Variants in CDH13 observed in about 807,000 individuals in gnomAD.
The protein encoded by CDH13 is cadherin 13.
CDH13 carries 24 observed loss-of-function variants against 63.8 expected under a neutral mutation model. That is an observed-to-expected ratio of 0.38 (90% CI 0.27 to 0.53). The LOEUF (loss-of-function observed/expected upper bound fraction) is 0.53. Ranked by LOEUF, CDH13 falls within the 20% of genes least tolerant of loss-of-function variation. CDH13 has a pLI of 0.85. For missense variants in CDH13, 1,049 were observed against 903.1 expected, an observed-to-expected ratio of 1.16 and a Z score of -2.07; for synonymous variants, 503 against 355.3, an observed-to-expected ratio of 1.42 and a Z score of -4.67.
At chr16:83,064,294 G>A (rs1023656647) in intron 3 of CDH13, among the ~76,000 whole-genome samples, 9 of 152,100 alleles carry the variant, frequency 5.9e-5, no homozygotes, top group East Asian at 1.9e-4. Context: ...GCTTGAACCC[G>A]GGAGGTGGAG....
At chr16:83,644,426 A>T (rs1214437344) in intron 8 of CDH13, among the ~76,000 whole-genome samples, 1 of 152,230 alleles carries the variant, frequency 6.6e-6, no homozygotes, top group Non-Finnish European at 1.5e-5. Context: ...CAGCAATAAA[A>T]ATGCTTGAAT....
At chr16:83,392,021 TA>T (rs1230377333) in intron 6 of CDH13, among the ~76,000 whole-genome samples, 7 of 152,178 alleles carry the variant, frequency 4.6e-5, no homozygotes, top group African/African-American at 1.4e-4. Flanking sequence ...GCGGGGTGTC[TA>T]ACACCTAATT....
intron 1 of CDH13, among the ~76,000 whole-genome samples, chr16:82,689,217 A>G (rs1915391850): frequency 6.6e-6 from 1 of 150,788 alleles, no homozygotes; most frequent in South Asian, 2.1e-4. Flanking sequence ...TGCAGTTGAC[A>G]TTACTTGGTA....
chr16:82,736,586 T>C (rs2033685183), intron 1 of CDH13, among the ~76,000 whole-genome samples: 1 of 152,216 alleles, frequency 6.6e-6, no homozygotes, highest in Non-Finnish European at 1.5e-5. Flanking sequence ...CACTAAATAC[T>C]TGTTAAGGTT....
intron 3 of CDH13, among the ~76,000 whole-genome samples, chr16:83,088,028 G>C (rs532458400): frequency 2.0e-5 from 3 of 152,172 alleles, no homozygotes; most frequent in African/African-American, 4.8e-5. Context: ...ACAAGTATTA[G>C]GTTGGCGCAA....
At chr16:83,332,393 A>G (rs1210755058) in intron 5 of CDH13, among the ~76,000 whole-genome samples, 4 of 152,078 alleles carry the variant, frequency 2.6e-5, no homozygotes, top group Non-Finnish European at 5.9e-5. Flanking sequence ...TATCAACCCT[A>G]ATTTTTTTAA....
At chr16:83,442,330 T>C (rs1309141179) in intron 6 of CDH13, among the ~76,000 whole-genome samples, 1 of 152,184 alleles carries the variant, frequency 6.6e-6, no homozygotes. Flanking sequence ...ATGAGATTTA[T>C]CCAAGGACCT....
At position 83,500,742 on chromosome 16, in the gene CDH13, T is replaced by G. The variant is rs182213451; in HGVS notation, c.960+14087T>G. On this transcript the variant is annotated intron_variant, in intron 7 of 13. Transcript: ENST00000567109. ...AAAGGCACCCACCATCTTGCCCGGC[T>G]AATTTTTGTTTTATTTTTGTGGAGA... Among the ~76,000 whole-genome samples, 460 of 150,286 alleles carry G rather than the reference T, an allele frequency of 3.1e-3. 4 individuals are homozygous for G. Among genetic ancestry groups the G allele is most frequent in the African/African-American group, 9.6e-3 (389 of 40,730 alleles).
At chr16:82,695,469 C>G (rs894541084) in intron 1 of CDH13, among the ~76,000 whole-genome samples, 1 of 152,130 alleles carries the variant, frequency 6.6e-6, no homozygotes, top group Non-Finnish European at 1.5e-5. Context: ...GCAGGGTTAG[C>G]ACGTGGCTCC....
At chr16:83,099,053 C>T (rs2034344446) in intron 3 of CDH13, among the ~76,000 whole-genome samples, 1 of 151,944 alleles carries the variant, frequency 6.6e-6, no homozygotes, top group South Asian at 2.1e-4. Context: ...TGTATACATA[C>T]ACATATACAT....
intron 2 of CDH13, among the ~76,000 whole-genome samples, chr16:82,940,966 C>T (rs1271354490): frequency 6.6e-6 from 1 of 152,032 alleles, no homozygotes; most frequent in African/African-American, 2.4e-5. Flanking sequence ...GCAACTCATC[C>T]CCAAATGGAG....
chr16:83,597,003 A>G (rs2150743837), intron 7 of CDH13, among the ~76,000 whole-genome samples: 1 of 152,292 alleles, frequency 6.6e-6, no homozygotes, highest in Non-Finnish European at 1.5e-5. Context: ...TGGGAGGATC[A>G]CTTGAGCCCA....
intron 3 of CDH13, among the ~76,000 whole-genome samples, chr16:83,042,538 C>T (rs1177653102): frequency 1.3e-5 from 2 of 152,034 alleles, no homozygotes; most frequent in East Asian, 1.9e-4. Context: ...TTGTATATTA[C>T]AATTAACTAA....
intron 1 of CDH13, among the ~76,000 whole-genome samples, chr16:82,790,847 G>A (rs1034156599): frequency 6.6e-6 from 1 of 152,250 alleles, no homozygotes; most frequent in East Asian, 1.9e-4. Context: ...GGGGAAAACT[G>A]CCCCCATGAT....
rs796389514 is a variant in CDH13 at position 82,656,027 on chromosome 16, G to A, written c.45+28890G>A. 1.1e-4 allele frequency among the ~76,000 whole-genome samples: 16 copies of A among 152,266 alleles called. 1 individual carries two copies. The highest frequency in any genetic ancestry group is 3.6e-4 in the African/African-American group (15 of 41,564). ...ACAGAAACTTCAGCTGAGAGTTACC[G>A]TGCAAGGCAGAAAATGCTGGTCTAG... On this transcript the variant is annotated intron_variant, in intron 1 of 13. Coordinates refer to ENST00000567109, the MANE Select transcript of CDH13 (RefSeq NM_001257.5).
chr16:83,215,986 C>CT (rs1555513757), intron 4 of CDH13, among the ~76,000 whole-genome samples: 6 of 144,266 alleles, frequency 4.2e-5, no homozygotes, highest in Non-Finnish European at 9.1e-5. Flanking sequence ...ATAAAAAGAC[C>CT]ACCCCCCATA....
At chr16:82,812,068 A>G (rs2037472087) in intron 1 of CDH13, among the ~76,000 whole-genome samples, 1 of 152,148 alleles carries the variant, frequency 6.6e-6, no homozygotes, top group African/African-American at 2.4e-5. Flanking sequence ...AGCAGACTAC[A>G]AAAAGCTGTG....
In CDH13 at chr16:83,067,494, G is replaced by C. The variant is rs373959866; in HGVS notation, c.366+35276G>C. ...TGAGACATGATTGTGCTCAAGAAAT[G>C]ATAGGAAACAAACGTACAAACGACA... On this transcript the variant is annotated intron_variant, in intron 3 of 13. Transcript: ENST00000567109. 9.2e-5 allele frequency among the ~76,000 whole-genome samples: 14 copies of C among 152,298 alleles called. No individual in the cohort carries two copies. In the East Asian group the frequency reaches 2.5e-3, roughly 27 times the overall value.
At chr16:83,230,016 A>T (rs1227592436) in intron 5 of CDH13, among the ~76,000 whole-genome samples, 1 of 152,182 alleles carries the variant, frequency 6.6e-6, no homozygotes, top group African/African-American at 2.4e-5. Context: ...TTTGAAATTG[A>T]TTGTGTCCTC....
Sources: allele counts gnomAD v4.1 joint callset (sites outside exome capture counted in the v4.1 genomes callset), GRCh38; gene constraint gnomAD v4.1.1; transcripts MANE v1.5; gene names NCBI Gene and HGNC (gene_info 2026-07-23, HGNC 2026-07-21).